SLC4A4: variants seen among roughly 807,000 people sequenced by gnomAD.
The protein encoded by SLC4A4 is electrogenic sodium bicarbonate cotransporter 1.
Under a neutral mutation model 111.5 loss-of-function variants are expected in SLC4A4, and 27 were observed. The ratio of observed to expected loss-of-function variants is 0.24; its 90% confidence interval spans 0.18 to 0.33. The LOEUF is 0.33. Among genes scored for constraint, SLC4A4 ranks in the 10% least tolerant of loss-of-function variants. The pLI, the probability that SLC4A4 is intolerant of heterozygous loss-of-function variation, is 1.00. For missense variants in SLC4A4, 909 were observed against 1,315.5 expected, an observed-to-expected ratio of 0.69 and a Z score of 4.78; for synonymous variants, 443 against 463.4, an observed-to-expected ratio of 0.96 and a Z score of 0.57.
intron 20 of SLC4A4, among the ~76,000 whole-genome samples, chr4:71,553,169 T>C (rs1736183844): frequency 6.6e-6 from 1 of 151,946 alleles, no homozygotes; most frequent in South Asian, 2.1e-4. Context: ...AATAGCCTTC[T>C]TTATATGTAT....
At chr4:71,435,705 A>T (rs928582737) in intron 7 of SLC4A4, among the ~76,000 whole-genome samples, 3 of 152,208 alleles carry the variant, frequency 2.0e-5, no homozygotes, top group African/African-American at 4.8e-5. Context: ...ACTTAAACAA[A>T]TTTACAAGAA....
At chr4:71,439,725 C>CA (rs1217422781) in intron 7 of SLC4A4, among the ~76,000 whole-genome samples, 2 of 151,966 alleles carry the variant, frequency 1.3e-5, no homozygotes, top group African/African-American at 4.8e-5. Context: ...TATCTACACT[C>CA]ACAGCCAGGA....
intron 1 of SLC4A4, among the ~76,000 whole-genome samples, chr4:71,195,551 C>T (rs1284003454): frequency 6.6e-6 from 1 of 151,954 alleles, no homozygotes; most frequent in African/African-American, 2.4e-5. Flanking sequence ...TATGGTGAAC[C>T]CTGTTAAACT....
At chr4:71,565,379 G>C (rs1737376437) in intron 24 of SLC4A4, among the ~76,000 whole-genome samples, 1 of 151,736 alleles carries the variant, frequency 6.6e-6, no homozygotes, top group Admixed American at 6.6e-5. Flanking sequence ...GCTTCATGCT[G>C]GCTTGGGGCA....
chr4:71,475,139 A>G (rs1190180390), intron 14 of SLC4A4, among the ~76,000 whole-genome samples: 1 of 151,196 alleles, frequency 6.6e-6, no homozygotes, highest in African/African-American at 2.4e-5. Flanking sequence ...AGGTTTGAGT[A>G]ATCATACACC....
intron 3 of SLC4A4, among the ~76,000 whole-genome samples, chr4:71,297,509 AACACACACACACACACACACAC>A (rs61184918): frequency 7.6e-6 from 1 of 132,054 alleles, no homozygotes; most frequent in African/African-American, 2.8e-5. Flanking sequence ...CACACAGACA[AACACACACACACACACACACAC>A]ACACACACAC....
At chr4:71,211,953 G>C (rs905529074) in intron 1 of SLC4A4, among the ~76,000 whole-genome samples, 1 of 152,104 alleles carries the variant, frequency 6.6e-6, no homozygotes, top group African/African-American at 2.4e-5. Flanking sequence ...GACAGGGTTT[G>C]TAAGATTTAC....
chr4:71,221,062 T>G (rs1407247084), intron 1 of SLC4A4, among the ~76,000 whole-genome samples: 2 of 152,242 alleles, frequency 1.3e-5, no homozygotes, highest in Non-Finnish European at 2.9e-5. Flanking sequence ...TTCTTTTTCA[T>G]GGCTGCATAG....
At chr4:71,503,710 A>G (rs776477102) in intron 16 of SLC4A4, among the ~76,000 whole-genome samples, 2 of 152,158 alleles carry the variant, frequency 1.3e-5, no homozygotes, top group Non-Finnish European at 2.9e-5. Context: ...CATACTAGAG[A>G]TTGAAAGATT....
chr4:71,210,588 T>A (rs1718074797), intron 1 of SLC4A4, among the ~76,000 whole-genome samples: 1 of 152,212 alleles, frequency 6.6e-6, no homozygotes, highest in Non-Finnish European at 1.5e-5. Flanking sequence ...CATCTGTCCT[T>A]CCATTCCCCA....
chr4:71,320,023 G>A (rs1458133650), intron 3 of SLC4A4, among the ~76,000 whole-genome samples: 1 of 151,910 alleles, frequency 6.6e-6, no homozygotes, highest in East Asian at 1.9e-4. Context: ...TTTCTCTGAG[G>A]ATATAGGAAT....
At chr4:71,416,943 AG>A (rs1182784081) in intron 7 of SLC4A4, among the ~76,000 whole-genome samples, 5 of 152,192 alleles carry the variant, frequency 3.3e-5, no homozygotes, top group African/African-American at 1.2e-4. Context: ...AATGAATGGT[AG>A]GGACCTGTGG....
intron 8 of SLC4A4, among the ~76,000 whole-genome samples, chr4:71,444,300 T>C (rs1428688441): frequency 6.6e-6 from 1 of 152,198 alleles, no homozygotes; most frequent in Non-Finnish European, 1.5e-5. Context: ...TTGTGGAGAA[T>C]GCTGGAGGCA....
intron 2 of SLC4A4, among the ~76,000 whole-genome samples, chr4:71,241,839 C>CA (rs1176222319): frequency 6.6e-6 from 1 of 152,172 alleles, no homozygotes; most frequent in Non-Finnish European, 1.5e-5. Context: ...TGAATAGTAA[C>CA]ATAGGTTTCC....
chr4:71,194,660 T>C (rs1277264787), intron 1 of SLC4A4, among the ~76,000 whole-genome samples: 1 of 152,158 alleles, frequency 6.6e-6, no homozygotes, highest in Non-Finnish European at 1.5e-5. Flanking sequence ...ATTACACTGC[T>C]CTTCACTCCA....
chr4:71,548,891 G>A (rs1157988771), intron 20 of SLC4A4, among the ~76,000 whole-genome samples: 1 of 151,896 alleles, frequency 6.6e-6, no homozygotes, highest in Non-Finnish European at 1.5e-5. Context: ...GACTAAGATT[G>A]CCTTCAGGGT....
In SLC4A4 at chr4:71,210,869, A is replaced by G. The variant is rs552556730; in HGVS notation, c.-2+23468A>G. Among the ~76,000 whole-genome samples, 29 of 152,332 alleles carry G rather than the reference A, an allele frequency of 1.9e-4. No homozygotes were observed. The East Asian group carries it at 5.6e-3, about 29-fold the overall frequency. ...GACTGATGCAGAGTAGGTACTCAAT[A>G]AGAAGTTGTCCAGGAGAGCTGAACT... On this transcript the variant is annotated intron_variant, in intron 1 of 25. Transcript: ENST00000264485.
chr4:71,466,574 G>T lies in SLC4A4; in HGVS notation c.1628G>T (p.Ser543Ile). 6.2e-7 allele frequency: 1 copy of T among 1,613,172 alleles called. No homozygotes were observed. The highest frequency in any genetic ancestry group is 8.5e-7 in the Non-Finnish European group (1 of 1,179,464). ...TTTGAGAGGCTTCTATTTAATTTCA[G>T]CAAGTATGTACATACATATTTAATT... ...LVFERLLFNF[S>I]KDNNFDYLEF... Residue 543 changes from serine (S) to isoleucine (I), a missense_variant, in exon 13 of 26, where the codon AGC (serine) becomes ATC (isoleucine). Transcript: ENST00000264485.
chr4:71,352,460 A>G (rs1729928889), intron 5 of SLC4A4, among the ~76,000 whole-genome samples: 1 of 152,198 alleles, frequency 6.6e-6, no homozygotes, highest in Non-Finnish European at 1.5e-5. Context: ...GTCCTCTATT[A>G]AAATATACTT....
Sources: gnomAD v4.1 joint callset for allele counts (sites outside exome capture counted in the v4.1 genomes callset) on GRCh38, gnomAD v4.1.1 for gene constraint, MANE v1.5 for transcripts, NCBI Gene and HGNC (gene_info 2026-07-23, HGNC 2026-07-21) for gene names.